Variants in PRRT3 observed in about 807,000 individuals in gnomAD.
The protein encoded by PRRT3 is proline rich transmembrane protein 3.
In PRRT3, 48 loss-of-function variants were observed where a neutral mutation model predicts 56.6. The observed-to-expected ratio is 0.85, with a 90% CI of 0.67 to 1.08. The LOEUF is 1.08. Among genes scored for constraint, PRRT3 ranks in the 50% least tolerant of loss-of-function variants. PRRT3 has a pLI of 0.00. For synonymous variants in PRRT3, 641 were observed against 619.1 expected (o/e 1.04, Z -0.52); for missense variants, 1,370 against 1,353.1 (o/e 1.01, Z -0.20).
At position 9,948,808 on chromosome 3, in the gene PRRT3, G is replaced by A. The variant is rs1391357061; in HGVS notation, c.1121C>T (p.Pro374Leu). The A allele has an allele frequency of 1.9e-6, 3 of 1,613,786 alleles. No homozygotes were observed. The highest frequency in any genetic ancestry group is 2.2e-5 in the South Asian group (2 of 91,078). The stretch of plus-strand genomic sequence containing the variant: ...CTCTGTTCGGTTTACAGCTGGGCCA[G>A]GGTCTGAGGGACCAGGGATGAGAGA... The part of the protein sequence containing the change: ...PKSLIPGPSD[P>L]GPAVNRTESP... Residue 374 changes from proline (P) to leucine (L), a missense_variant, in exon 3 of 4, where the codon CCT becomes CTT. Physicochemically the swap from Pro to Leu is moderately conservative, Grantham distance 98. Coordinates refer to ENST00000412055, the MANE Select transcript of PRRT3 (RefSeq NM_207351.5).
In PRRT3 at chr3:9,947,946, G is replaced by T; in HGVS notation, c.1227C>A (p.Val409=). Residue 409 remains valine, a synonymous_variant, in exon 4 of 4, where the codon GTC becomes GTA. Transcript: ENST00000412055. This position sits in a 1 kb window ranked among gnomAD's most constrained non-coding sequence, Gnocchi z 9.2. ...RPQSHPPAPP[V]QAPSTSRRGL... is the part of the protein sequence containing the mutation. Reference sequence around the variant, plus strand: ...CCCGGCGTGACGTCGAGGGGGCCTGGACTGGGGGTGCTGGGGGATGGCTTT... The same window carrying T: ...CCCGGCGTGACGTCGAGGGGGCCTGTACTGGGGGTGCTGGGGGATGGCTTT... 7.1e-7 allele frequency: 1 copy of T among 1,399,774 alleles called. No homozygotes were observed. 86.7% of individuals were successfully genotyped at this position (1,399,774 alleles called of 1,614,324 possible). A position where few individuals can be genotyped will look rare whatever the true frequency, so the allele number is the denominator to read the frequency against.
In PRRT3 at chr3:9,946,381, A is replaced by G; in HGVS notation, c.2792T>C (p.Leu931Pro). ...CTGTACCGTGCTGGGCAACTCATCT[A>G]GGGGCAGACTGTCCACTGATGACAG... ...HGLSSVDSLP[L>P]DELPSTVQLL... Residue 931 changes from leucine to proline, a missense_variant, in exon 4 of 4, where the codon CTA (leucine) becomes CCA (proline). Physicochemically the swap from Leu to Pro is moderately conservative, Grantham distance 98. Transcript: ENST00000412055. The surrounding 1 kb of genome is among the most constrained non-coding windows in gnomAD (Gnocchi z 4.1). 1 of 1,608,588 alleles carries G rather than the reference A, an allele frequency of 6.2e-7. No homozygotes were observed. Among genetic ancestry groups the G allele is most frequent in the South Asian group, 1.1e-5 (1 of 90,664 alleles).
Position 9,949,535 on chromosome 3 carries a change from C to T in PRRT3, c.581G>A (p.Ser194Asn). Residue 194 changes from serine (S) to asparagine (N), a missense_variant, in exon 2 of 4, where the codon AGC becomes AAC. Coordinates refer to ENST00000412055, the MANE Select transcript of PRRT3 (RefSeq NM_207351.5). This position sits in a 1 kb window ranked among gnomAD's most constrained non-coding sequence, Gnocchi z 4.5. ...TGAGGGAGAAGTGGGTGGGACCCTG[C>T]TCTTAGTTTTGGCCTTCAGACCCTC... ...RDEGLKAKTK[S>N]RVPPTSPSDH... is the part of the protein sequence containing the mutation. 1.2e-6 allele frequency: 2 copies of T among 1,614,056 alleles called. No individual in the cohort carries two copies. The highest frequency in any genetic ancestry group is 1.7e-6 in the Non-Finnish European group (2 of 1,180,026).
Position 9,946,190 on chromosome 3 carries a change from A to C in PRRT3, c.*37T>G. 1 of 1,587,282 alleles carries C rather than the reference A, an allele frequency of 6.3e-7. No homozygotes were observed. ...TCCCAGTAGGCCATGCCATGTGGGC[A>C]TCGGGCAGGGTCCTGGCCCTGCGTC... is the stretch of plus-strand genomic sequence containing the variant. On this transcript the variant is annotated 3_prime_UTR_variant, in exon 4 of 4. Coordinates refer to ENST00000412055, the MANE Select transcript of PRRT3 (RefSeq NM_207351.5). This position sits in a 1 kb window ranked among gnomAD's most constrained non-coding sequence, Gnocchi z 4.1.
intron 1 of PRRT3, among the ~76,000 whole-genome samples, chr3:9,952,061 G>A (rs1436175418): frequency 6.6e-6 from 1 of 152,198 alleles, no homozygotes; most frequent in African/African-American, 2.4e-5. Context: ...TCTCTCTGCC[G>A]CAGGGACTGG....
intron 1 of PRRT3, among the ~76,000 whole-genome samples, chr3:9,950,401 G>A (rs2085604790): frequency 1.3e-5 from 2 of 152,218 alleles, no homozygotes; most frequent in South Asian, 4.1e-4. Flanking sequence ...ACCACAAGCT[G>A]TTCATCTGTC....
Position 9,949,009 on chromosome 3 carries a change from AG to A in PRRT3, c.1015+91del. On this transcript the variant is annotated intron_variant, in intron 2 of 3. Transcript: ENST00000412055. This position sits in a 1 kb window ranked among gnomAD's most constrained non-coding sequence, Gnocchi z 4.5. ...ACAATCAACCTCATTTGCCACAAAGAGGAAAATGAGACCTAGAGGGACCCAG... is the reference window on the plus strand; with the variant it reads ...ACAATCAACCTCATTTGCCACAAAGAGAAAATGAGACCTAGAGGGACCCAG... The A allele has an allele frequency of 6.6e-7, 1 of 1,514,408 alleles. No individual in the cohort carries two copies. Among genetic ancestry groups the A allele is most frequent in the Non-Finnish European group, 8.8e-7 (1 of 1,134,880 alleles). The allele number at this position is 1,514,408 out of a possible 1,614,324, so 93.8% of individuals were successfully genotyped here.
Position 9,947,829 on chromosome 3 carries a change from G to C in PRRT3, c.1344C>G (p.Ser448Arg). 6.9e-7 allele frequency: 1 copy of C among 1,439,294 alleles called. No homozygotes were observed. The highest frequency in any genetic ancestry group is 3.0e-5 in the Admixed American group (1 of 33,014). The allele number at this position is 1,439,294 out of a possible 1,614,324, so 89.2% of individuals were successfully genotyped here. Residue 448 changes from serine to arginine, a missense_variant, in exon 4 of 4, where the codon AGC (serine) becomes AGG (arginine). By Grantham distance (110) the Ser-to-Arg change is moderately radical (BLOSUM62 -1). Coordinates refer to ENST00000412055, the MANE Select transcript of PRRT3 (RefSeq NM_207351.5). The surrounding 1 kb of genome is among the most constrained non-coding windows in gnomAD (Gnocchi z 9.2). ...ASSMASAPAS[S>R]PPANATAPPL... ...GGGGTGCAGTGGCGTTGGCTGGGGGGCTGGAGGCTGGGGCTGAAGCCATGG... is the reference window on the plus strand; with the variant it reads ...GGGGTGCAGTGGCGTTGGCTGGGGGCCTGGAGGCTGGGGCTGAAGCCATGG...
chr3:9,951,831 C>A (rs940360433), intron 1 of PRRT3, among the ~76,000 whole-genome samples: 2 of 152,256 alleles, frequency 1.3e-5, no homozygotes, highest in Non-Finnish European at 2.9e-5. Flanking sequence ...GGTCACACAG[C>A]TGAGTGGACA....
Position 9,947,579 on chromosome 3 carries a change from G to A in PRRT3, c.1594C>T (p.Leu532=). 6.3e-7 allele frequency: 1 copy of A among 1,591,804 alleles called. No individual in the cohort carries two copies. Residue 532 remains leucine, a synonymous_variant, in exon 4 of 4, where the codon CTG becomes TTG. Transcript: ENST00000412055. This position sits in a 1 kb window ranked among gnomAD's most constrained non-coding sequence, Gnocchi z 9.2. ...AGCACCAGGCCCCCGCGAACGCCCA[G>A]CCGCGCCTGCGAGCCGTAAGGGTCG... is the stretch of plus-strand genomic sequence containing the variant. The part of the protein sequence containing the change: ...LTDPYGSQAR[L]GVRGGLVLYN...
In PRRT3 at chr3:9,946,159, C is replaced by T; in HGVS notation, c.*68G>A. 4 of 1,538,990 alleles carry T rather than the reference C, an allele frequency of 2.6e-6. No individual in the cohort carries two copies. Among genetic ancestry groups the T allele is most frequent in the Non-Finnish European group, 2.6e-6 (3 of 1,141,516 alleles). On this transcript the variant is annotated 3_prime_UTR_variant, in exon 4 of 4. Coordinates refer to ENST00000412055, the MANE Select transcript of PRRT3 (RefSeq NM_207351.5). This position sits in a 1 kb window ranked among gnomAD's most constrained non-coding sequence, Gnocchi z 4.1. Reference sequence around the variant, plus strand: ...CCAGGATGCCCATTTTTTAAAGGCTCAACTGTCCCAGTAGGCCATGCCATG... The same window carrying T: ...CCAGGATGCCCATTTTTTAAAGGCTTAACTGTCCCAGTAGGCCATGCCATG...
chr3:9,947,155 C>T lies in PRRT3; in HGVS notation c.2018G>A (p.Trp673Ter), dbSNP rs1269273292. The change falls in exon 4 of 4, where the codon TGG becomes TAG. Residue 673 changes from tryptophan (W) to a stop codon, truncating the protein, a stop_gained. Transcript: ENST00000412055. LOFTEE classifies it high-confidence loss of function. This position sits in a 1 kb window ranked among gnomAD's most constrained non-coding sequence, Gnocchi z 9.2. ...CCAGAAGTGGACACCCCACCAGGCC[C>T]ACGAGAAGCGGCCCACGCGGCCTGG... ...PGPGRVGRFS[W>*]AWWGVHFWLR... 1 of 1,536,470 alleles carries T rather than the reference C, an allele frequency of 6.5e-7. No individual in the cohort carries two copies. Among genetic ancestry groups the T allele is most frequent in the East Asian group, 2.5e-5 (1 of 40,718 alleles).
rs748561557 is a variant in PRRT3, at chr3:9,949,988, G to C, written c.128C>G (p.Pro43Arg). The change falls in exon 2 of 4, where the codon CCT becomes CGT. Residue 43 changes from proline (P) to arginine (R), a missense_variant. Physicochemically the swap from Pro to Arg is moderately radical, Grantham distance 103. Coordinates refer to ENST00000412055, the MANE Select transcript of PRRT3 (RefSeq NM_207351.5). The surrounding 1 kb of genome is among the most constrained non-coding windows in gnomAD (Gnocchi z 4.5). ...CACAGAGCCCTTGGGGTGGGCTCCA[G>C]GGATCATAGGGATTTCGGAGTTTTC... ...PLENSEIPMI[P>R]GAHPKGSVGS... 1.3e-6 allele frequency: 2 copies of C among 1,543,070 alleles called. No homozygotes were observed. Among genetic ancestry groups the C allele is most frequent in the Non-Finnish European group, 1.7e-6 (2 of 1,147,808 alleles).
chr3:9,948,724 A>C (rs1575661740), intron 3 of PRRT3, 34 bp downstream of exon 3: 4 of 1,612,246 alleles, frequency 2.5e-6, no homozygotes, highest in Non-Finnish European at 3.4e-6. Context: ...TAGACAGAGC[A>C]CTCCCTCTCC....
chr3:9,945,956 C>T lies in PRRT3; in HGVS notation c.*271G>A, dbSNP rs2085509749. 3.0e-6 allele frequency: 1 copy of T among 338,200 alleles called. No individual in the cohort carries two copies. Among genetic ancestry groups the T allele is most frequent in the Admixed American group, 4.8e-5 (1 of 20,734 alleles). 20.9% of individuals were successfully genotyped at this position (338,200 alleles called of 1,614,324 possible). A position where few individuals can be genotyped will look rare whatever the true frequency, so the allele number is the denominator to read the frequency against. On this transcript the variant is annotated 3_prime_UTR_variant, in exon 4 of 4. Transcript: ENST00000412055. Reference sequence around the variant, plus strand: ...TCAAGCAATTCTCCCGCCTCAGCCTCCCGAGTAGCTGGGACTACAGGCGTG... The same window carrying T: ...TCAAGCAATTCTCCCGCCTCAGCCTTCCGAGTAGCTGGGACTACAGGCGTG...
chr3:9,948,742 C>T lies in PRRT3; in HGVS notation c.1171+16G>A, dbSNP rs772357370. The T allele has an allele frequency of 5.0e-6, 8 of 1,613,776 alleles. No individual in the cohort carries two copies. In the Admixed American group the frequency reaches 6.7e-5, roughly 13 times the overall value. On this transcript the variant is annotated intron_variant, in intron 3 of 3. Transcript: ENST00000412055. ...ACAGAGCACTCCCTCTCCCCACACC[C>T]CAGCCATGCTCTCACCTGGCTGCAG...
At position 9,946,939 on chromosome 3, in the gene PRRT3, G is replaced by A. The variant is rs1243359924; in HGVS notation, c.2234C>T (p.Ala745Val). ...NCYAGPSNVG[A>V]GSLDISKSLI... ...GCTCTTGCTGATGTCCAAGCTGCCT[G>A]CACCAACGTTGCTGGGCCCTGCATA... The change falls in exon 4 of 4, where the codon GCA (alanine) becomes GTA (valine). Residue 745 changes from alanine (A) to valine (V), a missense_variant. Ala to Val is a moderately conservative substitution (Grantham distance 64). Coordinates refer to ENST00000412055, the MANE Select transcript of PRRT3 (RefSeq NM_207351.5). This position sits in a 1 kb window ranked among gnomAD's most constrained non-coding sequence, Gnocchi z 4.1. The A allele has an allele frequency of 1.3e-6, 2 of 1,541,950 alleles. No homozygotes were observed. The highest frequency in any genetic ancestry group is 1.2e-5 in the South Asian group (1 of 84,584).
Position 9,949,084 on chromosome 3 carries a change from C to T in PRRT3, c.1015+17G>A, listed in dbSNP as rs1483731704. 5.7e-6 allele frequency: 9 copies of T among 1,579,620 alleles called. No individual in the cohort carries two copies. In the East Asian group the frequency reaches 8.9e-5, roughly 16 times the overall value. ...AGCTGCCCCAGAACATCGCTCAGCACACTCATTGATACCCACCTGGCTTAG... is the reference window on the plus strand; with the variant it reads ...AGCTGCCCCAGAACATCGCTCAGCATACTCATTGATACCCACCTGGCTTAG... On this transcript the variant is annotated intron_variant, in intron 2 of 3. Transcript: ENST00000412055. This position sits in a 1 kb window ranked among gnomAD's most constrained non-coding sequence, Gnocchi z 4.5.
rs1459661835 is a variant in PRRT3 at position 9,947,583 on chromosome 3, C to T, written c.1590G>A (p.Ala530=). ...YMLTDPYGSQ[A]RLGVRGGLVL... ...CCAGGCCCCCGCGAACGCCCAGCCG[C>T]GCCTGCGAGCCGTAAGGGTCGGTAA... The change falls in exon 4 of 4, where the codon GCG becomes GCA. Residue 530 remains alanine, a synonymous_variant. Transcript: ENST00000412055. The surrounding 1 kb of genome is among the most constrained non-coding windows in gnomAD (Gnocchi z 9.2). 2.5e-6 allele frequency: 4 copies of T among 1,589,436 alleles called. No homozygotes were observed. The highest frequency in any genetic ancestry group is 2.3e-5 in the South Asian group (2 of 88,616).
Sources: allele counts gnomAD v4.1 joint callset (sites outside exome capture counted in the v4.1 genomes callset), GRCh38; gene constraint gnomAD v4.1.1; non-coding constraint Gnocchi (gnomAD v3.1); transcripts MANE v1.5; gene names NCBI Gene and HGNC (gene_info 2026-07-23, HGNC 2026-07-21).